HDGF: variants seen among roughly 807,000 people sequenced by gnomAD.
HDGF encodes the protein heparin binding growth factor.
A neutral mutation model predicts 30.0 loss-of-function variants in HDGF; 5 were observed. The observed-to-expected ratio is 0.17, with a 90% CI of 0.09 to 0.35. HDGF has a LOEUF of 0.35. HDGF is among the 10% of genes least tolerant of loss of function. The probability of loss-of-function intolerance (pLI) is 1.00; values close to 1 mark genes in which losing one functional copy is unlikely to be tolerated. For synonymous variants in HDGF, 133 were observed against 112.7 expected, an observed-to-expected ratio of 1.18 and a Z score of -1.14; for missense variants, 214 against 302.8, an observed-to-expected ratio of 0.71 and a Z score of 2.18.
At chr1:156,748,958 A>G (rs1650784155) in intron 1 of HDGF, among the ~76,000 whole-genome samples, 1 of 152,230 alleles carries the variant, frequency 6.6e-6, no homozygotes, top group African/African-American at 2.4e-5. Flanking sequence ...GGATTGTGAA[A>G]CAGGAAGCAG....
intron 1 of HDGF, among the ~76,000 whole-genome samples, chr1:156,761,984 C>T (rs1054304586): frequency 1.4e-5 from 2 of 143,298 alleles, no homozygotes; most frequent in African/African-American, 5.2e-5. Context: ...ACAAAAAATA[C>T]AAAAATTAGC....
At chr1:156,766,428 A>C (rs1651378775) in intron 1 of HDGF, among the ~76,000 whole-genome samples, 1 of 152,170 alleles carries the variant, frequency 6.6e-6, no homozygotes, top group African/African-American at 2.4e-5. Context: ...CAGGGCAGAC[A>C]AGTAGAGGGC....
chr1:156,759,934 A>G (rs1651220946), intron 1 of HDGF, among the ~76,000 whole-genome samples: 1 of 152,256 alleles, frequency 6.6e-6, no homozygotes, highest in African/African-American at 2.4e-5. Flanking sequence ...AAATAATGCA[A>G]TAGTAAATAA....
chr1:156,747,230 G>C (rs1472057181), intron 1 of HDGF, among the ~76,000 whole-genome samples: 9 of 11,846 alleles, frequency 7.6e-4, no homozygotes, highest in Non-Finnish European at 9.8e-4. Flanking sequence ...GAATGTGACC[G>C]CCCCTCCCCC....
At chr1:156,744,111 A>C (rs1040785305) in intron 4 of HDGF, 52 bp downstream of exon 4, 1 of 1,562,436 alleles carries the variant, frequency 6.4e-7, no homozygotes, top group Non-Finnish European at 8.8e-7. Context: ...CCTGTGGGAT[A>C]CCCCATGGGG....
upstream of HDGF, among the ~76,000 whole-genome samples, chr1:156,753,757 G>A (rs1254492646): frequency 6.6e-6 from 1 of 151,772 alleles, no homozygotes; most frequent in Non-Finnish European, 1.5e-5. Flanking sequence ...CACCATGTTG[G>A]TCAGCCTGGT....
intron 1 of HDGF, among the ~76,000 whole-genome samples, chr1:156,764,861 G>C (rs985711277): frequency 6.6e-6 from 1 of 150,702 alleles, no homozygotes; most frequent in African/African-American, 2.4e-5. Context: ...ACTCCAGCAT[G>C]GGCGACAGTA....
chr1:156,758,114 A>G (rs1441039197), intron 2 of HDGF, among the ~76,000 whole-genome samples: 2 of 151,806 alleles, frequency 1.3e-5, no homozygotes, highest in African/African-American at 2.4e-5. Context: ...CCTGACCAAC[A>G]TGGTGAAACC....
At chr1:156,763,794 C>G (rs1050646264) in intron 1 of HDGF, among the ~76,000 whole-genome samples, 26 of 151,916 alleles carry the variant, frequency 1.7e-4, no homozygotes, top group Non-Finnish European at 2.6e-4. Flanking sequence ...CACCGTGTTG[C>G]CCAGGCTGGT....
At chr1:156,752,417 C>T, upstream of HDGF, 1 of 1,478,790 alleles carries the variant, frequency 6.8e-7, no homozygotes, top group Non-Finnish European at 9.2e-7. Context: ...GACTCAACGG[C>T]TAGCTAACCC....
At position 156,743,536 on chromosome 1, in the gene HDGF, G is replaced by A. The variant is rs1466679144; in HGVS notation, c.717-81C>T. 4 of 1,585,364 alleles carry A rather than the reference G, an allele frequency of 2.5e-6. No homozygotes were observed. The East Asian group carries it at 6.7e-5, about 27-fold the overall frequency. ...TGCCCCAGCCAGTGCCGGTCTCCTA[G>A]GAGAGCCCACCCTGCCTCCCGAGAG... On this transcript the variant is annotated intron_variant, in intron 5 of 5. Transcript: ENST00000357325.
chr1:156,746,145 G>A (rs1044376851), intron 1 of HDGF, among the ~76,000 whole-genome samples: 2 of 152,148 alleles, frequency 1.3e-5, no homozygotes, highest in Non-Finnish European at 2.9e-5. Flanking sequence ...GACTCCCTAG[G>A]TAAAACTCTT....
rs1260419652 is a variant in HDGF, at chr1:156,751,420, A to C, written c.10T>G (p.Ser4Ala). The C allele has an allele frequency of 1.9e-6, 3 of 1,587,320 alleles. No individual in the cohort carries two copies. The African/African-American group carries it at 4.1e-5, about 22-fold the overall frequency. MSR[S>A]NRQKEYKCGD... ...CATTTGTACTCCTTCTGCCGGTTGG[A>C]TCGCGACATGGCGGGGCTCCGGGCG... Residue 4 changes from serine (S) to alanine (A), a missense_variant, in exon 1 of 6, where the codon TCC becomes GCC. Coordinates refer to ENST00000357325, the MANE Select transcript of HDGF (RefSeq NM_004494.3). The surrounding 1 kb of genome is among the most constrained non-coding windows in gnomAD (Gnocchi z 4.7).
At chr1:156,751,879 G>C (rs999855777), upstream of HDGF, 10 of 956,216 alleles carry the variant, frequency 1.0e-5, no homozygotes, top group East Asian at 6.2e-5. The surrounding 1 kb of genome is among the most constrained non-coding windows in gnomAD (Gnocchi z 4.7). Flanking sequence ...GGAGCCGCCT[G>C]ACGGCGCGTG....
At chr1:156,752,186 C>T, upstream of HDGF, 1 of 1,551,720 alleles carries the variant, frequency 6.4e-7, no homozygotes, top group South Asian at 1.2e-5. Context: ...GGCGCCGTGC[C>T]GCTCCGCGCA....
chr1:156,747,235 T>TCC (rs1349728678), intron 1 of HDGF, among the ~76,000 whole-genome samples: 26 of 18,508 alleles, frequency 1.4e-3, no homozygotes, highest in Non-Finnish European at 2.0e-3. Context: ...TGACCGCCCC[T>TCC]CCCCCCTCCC....
chr1:156,758,734 C>T (rs1384966720), intron 2 of HDGF, among the ~76,000 whole-genome samples: 4 of 152,050 alleles, frequency 2.6e-5, no homozygotes, highest in Admixed American at 6.6e-5. Flanking sequence ...GCTGAGATCG[C>T]GCCACTGCAC....
chr1:156,745,326 G>C lies in HDGF; in HGVS notation c.135C>G (p.Tyr45Ter), dbSNP rs766089631. The C allele has an allele frequency of 1.2e-6, 2 of 1,613,932 alleles. No homozygotes were observed. ...EAAVKSTANK[Y>*]QVFFFGTHET... is the part of the protein sequence containing the mutation. ...CGTGGGTCCCGAAAAAAAAGACTTG[G>C]TATTTGTTGGCTGTTGATTTCACGG... Residue 45 changes from tyrosine (Y) to a stop codon, truncating the protein, a stop_gained, in exon 2 of 6, where the codon TAC becomes TAG. Coordinates refer to ENST00000357325, the MANE Select transcript of HDGF (RefSeq NM_004494.3). LOFTEE classifies it high-confidence loss of function.
chr1:156,766,318 G>A (rs1186035877), intron 1 of HDGF, among the ~76,000 whole-genome samples: 1 of 152,128 alleles, frequency 6.6e-6, no homozygotes, highest in Admixed American at 6.6e-5. Flanking sequence ...AACCTCAACA[G>A]CCTTTTCTCT....
Sources: allele counts gnomAD v4.1 joint callset (sites outside exome capture counted in the v4.1 genomes callset), GRCh38; gene constraint gnomAD v4.1.1; non-coding constraint Gnocchi (gnomAD v3.1); transcripts MANE v1.5; gene names NCBI Gene and HGNC (gene_info 2026-07-23, HGNC 2026-07-21).